Variants in ASAP1 observed in about 807,000 individuals in gnomAD.
ASAP1 encodes the protein arf-GAP with SH3 domain, ANK repeat and PH domain-containing protein 1.
In ASAP1, 43 loss-of-function variants were observed where a neutral mutation model predicts 145.2. That is an observed-to-expected ratio of 0.30 (90% CI 0.23 to 0.38). The LOEUF (loss-of-function observed/expected upper bound fraction) is 0.38, where lower values mean the gene tolerates loss of function less well. Among genes scored for constraint, ASAP1 ranks in the 10% least tolerant of loss-of-function variants. ASAP1 has a pLI of 1.00. For missense variants in ASAP1, 1,018 were observed against 1,355.3 expected (o/e 0.75, Z 3.91); for synonymous variants, 546 against 515.5 (o/e 1.06, Z -0.80).
At chr8:130,227,980 G>T (rs1435921867) in intron 4 of ASAP1, among the ~76,000 whole-genome samples, 1 of 152,124 alleles carries the variant, frequency 6.6e-6, no homozygotes, top group Non-Finnish European at 1.5e-5. Flanking sequence ...AAAGGGGCAG[G>T]TCTCTTTGGA....
chr8:130,282,489 G>A (rs966600394), intron 3 of ASAP1, among the ~76,000 whole-genome samples: 3 of 152,056 alleles, frequency 2.0e-5, no homozygotes, highest in South Asian at 2.1e-4. Flanking sequence ...ATTGCAATAC[G>A]ACTGTTACCA....
intron 29 of ASAP1, among the ~76,000 whole-genome samples, chr8:130,056,273 G>A (rs188408034): frequency 3.3e-5 from 5 of 152,322 alleles, no homozygotes; most frequent in East Asian, 1.9e-4. Context: ...CCACCTCCTC[G>A]TCATGAGATG....
chr8:130,423,967 G>A (rs1337248247), intron 1 of ASAP1, among the ~76,000 whole-genome samples: 1 of 152,130 alleles, frequency 6.6e-6, no homozygotes, highest in Non-Finnish European at 1.5e-5. Flanking sequence ...GAAGGGCGGT[G>A]ATGAAAATGT....
At chr8:130,379,519 CT>C (rs1330252470) in intron 2 of ASAP1, among the ~76,000 whole-genome samples, 4 of 152,164 alleles carry the variant, frequency 2.6e-5, no homozygotes, top group Non-Finnish European at 4.4e-5. Flanking sequence ...GGGAGCTGTT[CT>C]ATGGGACTGA....
intron 3 of ASAP1, among the ~76,000 whole-genome samples, chr8:130,246,247 G>A (rs2136785993): frequency 6.6e-6 from 1 of 152,082 alleles, no homozygotes; most frequent in East Asian, 1.9e-4. Flanking sequence ...GTGAAGTATG[G>A]GCCTCCTATC....
At chr8:130,305,445 C>A (rs189543563) in intron 3 of ASAP1, among the ~76,000 whole-genome samples, 92 of 152,282 alleles carry the variant, frequency 6.0e-4, no homozygotes, top group African/African-American at 2.0e-3. Flanking sequence ...CTCACCACAA[C>A]CTCCGCCTCC....
intron 4 of ASAP1, among the ~76,000 whole-genome samples, chr8:130,228,142 G>A (rs1053968677): frequency 6.6e-6 from 1 of 152,098 alleles, no homozygotes; most frequent in African/African-American, 2.4e-5. Flanking sequence ...GAAAAACCAA[G>A]GTCCTGAGAA....
chr8:130,429,257 T>A (rs1273609721), intron 1 of ASAP1, among the ~76,000 whole-genome samples: 1 of 152,228 alleles, frequency 6.6e-6, no homozygotes, highest in Non-Finnish European at 1.5e-5. Context: ...GGGTTAGTAC[T>A]TCAAGATATC....
At position 130,379,824 on chromosome 8, in the gene ASAP1, A is replaced by C. The variant is rs1182267387; in HGVS notation, c.60-21681T>G. 3.3e-5 allele frequency among the ~76,000 whole-genome samples: 5 copies of C among 151,956 alleles called. 1 individual carries two copies. The highest frequency in any genetic ancestry group is 6.6e-5 in the Admixed American group (1 of 15,240). ...CATCAGGGTGGCTCTGCCCTCACTA[A>C]CTCAGTGGCTGATTCAACTGTCCCT... is the stretch of plus-strand genomic sequence containing the variant. On this transcript the variant is annotated intron_variant, in intron 2 of 29. Coordinates refer to ENST00000518721, the MANE Select transcript of ASAP1 (RefSeq NM_018482.4).
chr8:130,145,740 T>C (rs1258326191), intron 13 of ASAP1, among the ~76,000 whole-genome samples: 1 of 152,180 alleles, frequency 6.6e-6, no homozygotes, highest in African/African-American at 2.4e-5. Context: ...AGTACCACTA[T>C]TATTACTATT....
chr8:130,327,990 TGATTTAACAG>T (rs911397429), intron 3 of ASAP1, among the ~76,000 whole-genome samples: 3 of 152,150 alleles, frequency 2.0e-5, no homozygotes, highest in Admixed American at 6.5e-5. Flanking sequence ...TTAAGACAGG[TGATTTAACAG>T]GATCCCACTT....
At chr8:130,436,502 G>T (rs907427939) in intron 1 of ASAP1, among the ~76,000 whole-genome samples, 13 of 152,132 alleles carry the variant, frequency 8.5e-5, no homozygotes, top group African/African-American at 2.9e-4. Flanking sequence ...GAGAGGTGAG[G>T]TTTCACCATG....
intron 13 of ASAP1, among the ~76,000 whole-genome samples, chr8:130,145,340 C>T (rs147269965): frequency 0.027 from 4,040 of 152,116 alleles, 63 homozygotes; most frequent in Middle Eastern, 0.044. Context: ...TTTTTTTAGA[C>T]GGAGTCTCGC....
At chr8:130,257,785 C>T (rs985324941) in intron 3 of ASAP1, among the ~76,000 whole-genome samples, 1 of 54,264 alleles carries the variant, frequency 1.8e-5, no homozygotes, top group Non-Finnish European at 4.3e-5. Context: ...GACTCAAGAG[C>T]ACCCCCCCCC....
intron 12 of ASAP1, among the ~76,000 whole-genome samples, chr8:130,155,743 A>G (rs1222099629): frequency 6.6e-6 from 1 of 152,186 alleles, no homozygotes; most frequent in African/African-American, 2.4e-5. Context: ...TCTGTACTGA[A>G]AGCTTTACAA....
chr8:130,153,150 G>A (rs1443965525), intron 12 of ASAP1, among the ~76,000 whole-genome samples: 1 of 151,152 alleles, frequency 6.6e-6, no homozygotes, highest in East Asian at 1.9e-4. Flanking sequence ...CTCCCGAGCA[G>A]CTGGGATTAC....
intron 7 of ASAP1, 113 bp from the exon 8 acceptor site, chr8:130,180,993 G>A (rs1586534210): frequency 1.1e-6 from 1 of 908,402 alleles, no homozygotes; most frequent in East Asian, 2.8e-5. Flanking sequence ...GTCTATGTAG[G>A]TTCATCAGTT....
intron 3 of ASAP1, among the ~76,000 whole-genome samples, chr8:130,323,035 A>C (rs1488666571): frequency 6.6e-6 from 1 of 152,248 alleles, no homozygotes; most frequent in African/African-American, 2.4e-5. Flanking sequence ...CAATGCAATG[A>C]AATTATCGTG....
At position 130,092,138 on chromosome 8, in the gene ASAP1, T is replaced by G. The variant is rs1170755279; in HGVS notation, c.2407A>C (p.Thr803Pro). 1 of 1,564,602 alleles carries G rather than the reference T, an allele frequency of 6.4e-7. No homozygotes were observed. The highest frequency in any genetic ancestry group is 8.6e-7 in the Non-Finnish European group (1 of 1,162,172). The stretch of plus-strand genomic sequence containing the variant: ...AGAGGGAGTGTTGAAGGTGGGCCAG[T>G]TGGACCTAGAAAGGAAATTGAATGG... Reference protein sequence around the residue: ...LPPRNAGKGPTGPPSTLPLST... With the variant: ...LPPRNAGKGPPGPPSTLPLST... Residue 803 changes from threonine to proline, a missense_variant, in exon 25 of 30, where the codon ACT (threonine) becomes CCT (proline). Around this residue, in one of 9 missense-constraint regions of ASAP1, gnomAD observed 353 missense variants for 375.4 expected, o/e 0.94. Coordinates refer to ENST00000518721, the MANE Select transcript of ASAP1 (RefSeq NM_018482.4).
Sources: allele counts gnomAD v4.1 joint callset (sites outside exome capture counted in the v4.1 genomes callset), GRCh38; gene constraint gnomAD v4.1.1; regional missense constraint gnomAD v4.1.1; transcripts MANE v1.5; gene names NCBI Gene and HGNC (gene_info 2026-07-23, HGNC 2026-07-21).